EXOC4: variants seen among roughly 807,000 people sequenced by gnomAD.
The protein encoded by EXOC4 is SEC8-like 1.
A neutral mutation model predicts 107.2 loss-of-function variants in EXOC4; 71 were observed. That is an observed-to-expected ratio of 0.66 (90% CI 0.55 to 0.81). The LOEUF (loss-of-function observed/expected upper bound fraction) is 0.81. Ranked by LOEUF, EXOC4 falls within the 30% of genes least tolerant of loss-of-function variation. EXOC4 has a pLI of 0.00. For missense variants in EXOC4, 1,108 were observed against 1,189.6 expected (o/e 0.93, Z 1.01); for synonymous variants, 456 against 441.2 (o/e 1.03, Z -0.42).
intron 10 of EXOC4, among the ~76,000 whole-genome samples, chr7:133,755,344 CTTT>C (rs201700277): frequency 2.3e-5 from 2 of 88,382 alleles, no homozygotes; most frequent in African/African-American, 9.0e-5. Context: ...ATACACATCT[CTTT>C]TTTTTTTTTG....
intron 3 of EXOC4, among the ~76,000 whole-genome samples, chr7:133,305,439 A>G (rs1794731081): frequency 6.6e-6 from 1 of 152,196 alleles, no homozygotes; most frequent in South Asian, 2.1e-4. Flanking sequence ...AAGAGTCATG[A>G]TTGCTGTGAG....
intron 1 of EXOC4, among the ~76,000 whole-genome samples, chr7:133,271,436 C>G (rs1793868310): frequency 6.6e-6 from 1 of 152,162 alleles, no homozygotes; most frequent in African/African-American, 2.4e-5. Flanking sequence ...GGAGACCATT[C>G]TCCTCAGGGC....
At chr7:133,832,265 G>T (rs142590047) in intron 11 of EXOC4, among the ~76,000 whole-genome samples, 1 of 152,150 alleles carries the variant, frequency 6.6e-6, no homozygotes, top group Non-Finnish European at 1.5e-5. Context: ...AGACGGTTTT[G>T]TCACATTCTG....
intron 15 of EXOC4, among the ~76,000 whole-genome samples, chr7:134,000,852 G>A (rs551495218): frequency 6.6e-6 from 1 of 152,226 alleles, no homozygotes; most frequent in East Asian, 1.9e-4. Context: ...AAAGTAATGG[G>A]ATATGCTAGC....
chr7:133,709,459 G>C (rs1794838111), intron 10 of EXOC4, among the ~76,000 whole-genome samples: 1 of 152,134 alleles, frequency 6.6e-6, no homozygotes, highest in Non-Finnish European at 1.5e-5. Context: ...TAGACACCTT[G>C]TTTGTTATTA....
chr7:133,710,654 T>C (rs6944857), intron 10 of EXOC4, among the ~76,000 whole-genome samples: 138,821 of 140,824 alleles, frequency 0.99, 68,473 homozygotes, highest in Middle Eastern at 1. Context: ...AGTGAGACTC[T>C]GTCTCAGAAA....
intron 10 of EXOC4, among the ~76,000 whole-genome samples, chr7:133,812,107 AG>A (rs1197789469): frequency 6.6e-6 from 1 of 152,110 alleles, no homozygotes; most frequent in Non-Finnish European, 1.5e-5. Context: ...ATTGTCAACT[AG>A]GGATGATTAG....
At chr7:133,665,492 AT>A (rs1240494084) in intron 10 of EXOC4, among the ~76,000 whole-genome samples, 2 of 152,194 alleles carry the variant, frequency 1.3e-5, no homozygotes, top group African/African-American at 2.4e-5. Flanking sequence ...ATATATATAC[AT>A]ATATACATAA....
chr7:133,999,524 T>G (rs1354505248), intron 15 of EXOC4, among the ~76,000 whole-genome samples: 1 of 152,204 alleles, frequency 6.6e-6, no homozygotes, highest in African/African-American at 2.4e-5. Flanking sequence ...ATTTTCTGAT[T>G]TGTTTTACAA....
chr7:133,726,852 G>T (rs1403927515), intron 10 of EXOC4, among the ~76,000 whole-genome samples: 2 of 152,178 alleles, frequency 1.3e-5, no homozygotes, highest in Non-Finnish European at 2.9e-5. Context: ...CTGTGAGCAG[G>T]TGCATGACAC....
chr7:133,910,131 A>G (rs1180942114), intron 12 of EXOC4, among the ~76,000 whole-genome samples: 1 of 152,162 alleles, frequency 6.6e-6, no homozygotes, highest in Non-Finnish European at 1.5e-5. Context: ...CATGTTGGCC[A>G]GGCTGGTCTC....
At chr7:133,378,676 T>G (rs1425252888) in intron 7 of EXOC4, among the ~76,000 whole-genome samples, 1 of 152,124 alleles carries the variant, frequency 6.6e-6, no homozygotes, top group Non-Finnish European at 1.5e-5. Context: ...TTTCAATCCC[T>G]AGAGCAAACA....
chr7:133,785,047 G>A (rs1796540700), intron 10 of EXOC4, among the ~76,000 whole-genome samples: 1 of 152,036 alleles, frequency 6.6e-6, no homozygotes, highest in African/African-American at 2.4e-5. Flanking sequence ...GTTTCCATAG[G>A]GCTAACTTCT....
chr7:133,908,288 G>A (rs1799614443), intron 12 of EXOC4, among the ~76,000 whole-genome samples: 1 of 152,240 alleles, frequency 6.6e-6, no homozygotes, highest in South Asian at 2.1e-4. Flanking sequence ...CAACAATTCT[G>A]TTGAATTAGA....
At chr7:133,323,024 G>C (rs948814854) in intron 5 of EXOC4, among the ~76,000 whole-genome samples, 1 of 152,094 alleles carries the variant, frequency 6.6e-6, no homozygotes, top group Non-Finnish European at 1.5e-5. Flanking sequence ...TCTGTTATTG[G>C]TGTATAGGAA....
At chr7:134,073,222 A>AAC in the EXOC4 span, among the ~76,000 whole-genome samples, 1 of 46,324 alleles carries the variant, frequency 2.2e-5, no homozygotes, top group East Asian at 6.7e-4. Flanking sequence ...AAAAAAAAAA[A>AAC]AAAAAAAAAA....
intron 10 of EXOC4, among the ~76,000 whole-genome samples, chr7:133,747,198 T>C (rs1795694792): frequency 6.6e-6 from 1 of 152,218 alleles, no homozygotes; most frequent in Non-Finnish European, 1.5e-5. Flanking sequence ...TTCTGAGCCC[T>C]TAACTCCAAG....
intron 7 of EXOC4, among the ~76,000 whole-genome samples, chr7:133,460,218 A>C (rs1423670805): frequency 6.6e-6 from 1 of 152,176 alleles, no homozygotes; most frequent in African/African-American, 2.4e-5. Context: ...TGTGCAGTTC[A>C]CAGTAGGGTT....
chr7:133,406,003 C>T (rs141180711), intron 7 of EXOC4, among the ~76,000 whole-genome samples: 2 of 152,166 alleles, frequency 1.3e-5, no homozygotes, highest in African/African-American at 4.8e-5. Context: ...TATACATGAT[C>T]TGAAAGATAA....
Sources: gnomAD v4.1 joint callset for allele counts (sites outside exome capture counted in the v4.1 genomes callset) on GRCh38, gnomAD v4.1.1 for gene constraint, MANE v1.5 for transcripts, NCBI Gene and HGNC (gene_info 2026-07-23, HGNC 2026-07-21) for gene names.